Variants in MCF2 observed in about 807,000 individuals in gnomAD.
MCF2 encodes MCF.2 cell line derived transforming sequence, also known as proto-oncogene DBL.
In MCF2, 44 loss-of-function variants were observed where a neutral mutation model predicts 82.5. The observed-to-expected ratio is 0.53, with a 90% CI of 0.42 to 0.69. The LOEUF is 0.69. MCF2 is among the 30% of genes least tolerant of loss of function. The probability of loss-of-function intolerance (pLI) is 0.00; values close to 1 mark genes in which losing one functional copy is unlikely to be tolerated. For synonymous variants in MCF2, 217 were observed against 224.9 expected (o/e 0.96, Z 0.32); for missense variants, 623 against 663.1 (o/e 0.94, Z 0.66).
chrX:139,696,079 C>T (rs1465946637), intron 1 of MCF2, among the ~76,000 whole-genome samples: 1 of 111,818 alleles, frequency 8.9e-6, no homozygotes, highest in Non-Finnish European at 1.9e-5. Context: ...GTAACTAACT[C>T]TTTTGGAAAT....
chrX:139,656,623 A>C (rs946704180), intron 1 of MCF2, among the ~76,000 whole-genome samples: 2 of 112,234 alleles, frequency 1.8e-5, no homozygotes, highest in Admixed American at 1.9e-4. Context: ...GAAGACACAC[A>C]GTTATCAATT....
chrX:139,585,377 T>C (rs935026044), intron 23 of MCF2, among the ~76,000 whole-genome samples, 199 bp from the exon 28 acceptor site: 5 of 111,051 alleles, frequency 4.5e-5, no homozygotes, highest in African/African-American at 9.8e-5. Flanking sequence ...CATTGTCATC[T>C]TTTTCTAACT....
chrX:139,645,710 T>C, upstream of MCF2: 1 of 648,908 alleles, frequency 1.5e-6, no homozygotes, highest in Non-Finnish European at 2.5e-6. Context: ...TGCAAATTTG[T>C]TATATATGCC....
intron 1 of MCF2, among the ~76,000 whole-genome samples, chrX:139,678,993 C>T (rs1934938693): frequency 8.9e-6 from 1 of 111,964 alleles, no homozygotes; most frequent in Middle Eastern, 4.2e-3. Context: ...GAATTTTACC[C>T]CTCTAGAGCT....
upstream of MCF2, chrX:139,646,993 G>T: frequency 1.9e-6 from 1 of 537,613 alleles, no homozygotes; most frequent in Non-Finnish European, 3.0e-6. Context: ...CTGTTTTGCA[G>T]CAACACAACT....
chrX:139,641,279 A>G (rs750256886), intron 1 of MCF2, among the ~76,000 whole-genome samples: 7 of 109,539 alleles, frequency 6.4e-5, no homozygotes, highest in Non-Finnish European at 1.1e-4. Flanking sequence ...GTTGCCTACA[A>G]TACTGCAAAG....
At chrX:139,707,689 A>T (rs767611649) in intron 1 of MCF2, among the ~76,000 whole-genome samples, 2 of 112,033 alleles carry the variant, frequency 1.8e-5, no homozygotes, top group African/African-American at 6.5e-5. Context: ...TACATTGCAT[A>T]GGAACCACAC....
At chrX:139,629,439 TC>T (rs1333713388) in intron 4 of MCF2, among the ~76,000 whole-genome samples, 4 of 112,352 alleles carry the variant, frequency 3.6e-5, no homozygotes, top group Non-Finnish European at 7.5e-5. Flanking sequence ...AGACTATATT[TC>T]TTTTTCTGCA....
At chrX:139,626,799 A>G (rs778875871) in intron 4 of MCF2, 43 bp from the exon 8 acceptor site, 2 of 1,107,751 alleles carry the variant, frequency 1.8e-6, no homozygotes, top group East Asian at 6.0e-5. Context: ...TTAGTAATCC[A>G]ACCTGAATGA....
intron 4 of MCF2, among the ~76,000 whole-genome samples, chrX:139,628,572 C>A (rs770331744): frequency 1.8e-5 from 2 of 111,295 alleles, no homozygotes; most frequent in Non-Finnish European, 3.8e-5. Flanking sequence ...CCTCAGCATC[C>A]CACAATTTAT....
chrX:139,654,928 CT>C (rs777367115), intron 1 of MCF2, among the ~76,000 whole-genome samples: 3 of 111,810 alleles, frequency 2.7e-5, no homozygotes, highest in Non-Finnish European at 3.8e-5. Context: ...ATTCTTATCA[CT>C]TTTGTCGAAT....
chrX:139,584,953 G>T (rs1328392520), intron 24 of MCF2, 113 bp downstream of exon 28: 2 of 442,890 alleles, frequency 4.5e-6, no homozygotes, highest in South Asian at 4.8e-5. Flanking sequence ...TTTAGCAATG[G>T]CTTACTCCTA....
At chrX:139,582,596 G>A in intron 24 of MCF2, 93 bp from the exon 29 acceptor site, 7 of 596,693 alleles carry the variant, frequency 1.2e-5, no homozygotes, top group Non-Finnish European at 1.9e-5. Context: ...GTTTTGGCAG[G>A]GAAGAAGGGT....
intron 1 of MCF2, among the ~76,000 whole-genome samples, chrX:139,641,550 T>C (rs754655346): frequency 9.0e-6 from 1 of 111,499 alleles, no homozygotes; most frequent in East Asian, 2.8e-4. Flanking sequence ...TGTCATTTTT[T>C]TCCTATGGTC....
rs1438919428 is a variant in MCF2, at chrX:139,648,511, G to C, written c.26-1608C>G. Among the ~76,000 whole-genome samples, 3 of 111,941 alleles carry C rather than the reference G, an allele frequency of 2.7e-5. No homozygotes were observed. In the East Asian group the frequency reaches 8.4e-4, roughly 31 times the overall value. On this transcript the variant is annotated intron_variant, in intron 2 of 27. Transcript: ENST00000414978. ...GGGAAAAGCTACCATCTCACTATTT[G>C]TATTTTGCTTATTATATGATAGTAA...
chrX:139,673,796 A>T (rs1201978151), intron 1 of MCF2, among the ~76,000 whole-genome samples: 1 of 111,673 alleles, frequency 9.0e-6, no homozygotes, highest in Non-Finnish European at 1.9e-5. Flanking sequence ...TATTCTGTTG[A>T]TTTGGGGTGG....
At chrX:139,616,143 C>T (rs1009811120) in intron 9 of MCF2, 139 bp downstream of exon 12, 1 of 314,853 alleles carries the variant, frequency 3.2e-6, no homozygotes, top group Non-Finnish European at 5.7e-6. Context: ...TTGACAGTGG[C>T]ACTACTATCA....
chrX:139,617,457 ACCTGGAAAAAAATGTGTGTT>A lies in MCF2; in HGVS notation c.999+36_999+55del, dbSNP rs966757230. ...GGGCAAGGTGCTTCAGGCTAGCAGG[ACCTGGAAAAAAATGTGTGTT>A]CCTTTTCAGAAATGGATCATTTCCC... On this transcript the variant is annotated intron_variant, in intron 8 of 24. Transcript: ENST00000370576. 1.2e-4 allele frequency: 121 copies of A among 985,876 alleles called. No homozygotes were observed. The Middle Eastern group carries it at 1.7e-3, about 14-fold the overall frequency. 81.2% of individuals were successfully genotyped at this position (985,876 alleles called of 1,213,427 possible).
rs1223795644 is a variant in MCF2, at chrX:139,595,125, A to G, written c.2277+1424T>C. ...GAAATAGGAACACTTTTACACTGTT[A>G]GTGGGACTGTAAACTAGTTCAACCA... On this transcript the variant is annotated intron_variant, in intron 19 of 24. Transcript: ENST00000370576. Among the ~76,000 whole-genome samples, 587 of 108,572 alleles carry G rather than the reference A, an allele frequency of 5.4e-3. 2 individuals carry two copies. Among genetic ancestry groups the G allele is most frequent in the Admixed American group, 9.5e-3 (96 of 10,123 alleles). 94.3% of individuals were successfully genotyped at this position (108,572 alleles called of 115,157 possible).
Sources: allele counts gnomAD v4.1 joint callset (sites outside exome capture counted in the v4.1 genomes callset), GRCh38; gene constraint gnomAD v4.1.1; transcripts MANE v1.5; gene names NCBI Gene and HGNC (gene_info 2026-07-23, HGNC 2026-07-21).